The following TTC28 variants were observed in gnomAD, a reference collection of about 807,000 sequenced individuals.
TTC28 encodes the protein tetratricopeptide repeat protein 28.
A neutral mutation model predicts 198.0 loss-of-function variants in TTC28; 61 were observed. The ratio of observed to expected loss-of-function variants is 0.31; its 90% confidence interval spans 0.25 to 0.38. The LOEUF (loss-of-function observed/expected upper bound fraction) is 0.38, where lower values mean the gene tolerates loss of function less well. TTC28 is among the 10% of genes least tolerant of loss of function. The probability of loss-of-function intolerance (pLI) is 1.00; values close to 1 mark genes in which losing one functional copy is unlikely to be tolerated. For missense variants in TTC28, 2,678 were observed against 3,164.0 expected, an observed-to-expected ratio of 0.85 and a Z score of 3.69; for synonymous variants, 1,171 against 1,297.8, an observed-to-expected ratio of 0.90 and a Z score of 2.10.
chr22:28,521,637 G>A (rs1325787792), intron 2 of TTC28, among the ~76,000 whole-genome samples: 1 of 152,130 alleles, frequency 6.6e-6, no homozygotes, highest in Non-Finnish European at 1.5e-5. Context: ...CATAAAACAA[G>A]CAGAGCTTTG....
chr22:28,580,482 C>A (rs1359334348), intron 2 of TTC28, among the ~76,000 whole-genome samples: 1 of 152,210 alleles, frequency 6.6e-6, no homozygotes. Flanking sequence ...AGGTGATCCA[C>A]CTGCCTTGGC....
At chr22:28,284,206 T>C (rs1257847614) in intron 5 of TTC28, among the ~76,000 whole-genome samples, 2 of 152,172 alleles carry the variant, frequency 1.3e-5, no homozygotes, top group African/African-American at 2.4e-5. Context: ...AGCACAAGCA[T>C]GTTGAATGGA....
intron 2 of TTC28, among the ~76,000 whole-genome samples, chr22:28,593,955 A>G (rs1228745694): frequency 2.0e-5 from 3 of 152,072 alleles, no homozygotes; most frequent in African/African-American, 7.2e-5. Context: ...TCAGCTATAG[A>G]GCTATGGTCA....
At chr22:28,292,431 G>A (rs2044806121) in intron 5 of TTC28, among the ~76,000 whole-genome samples, 1 of 152,016 alleles carries the variant, frequency 6.6e-6, no homozygotes, top group Admixed American at 6.6e-5. Flanking sequence ...CCAGTAATCT[G>A]CCCACCTCGG....
chr22:28,028,697 C>T (rs966001370), intron 13 of TTC28: 4 of 251,234 alleles, frequency 1.6e-5, no homozygotes, highest in African/African-American at 9.1e-5. Flanking sequence ...TCATCCCTTC[C>T]AAAGTTTCTC....
At chr22:28,023,286 A>G (rs1019550156) in intron 13 of TTC28, among the ~76,000 whole-genome samples, 3 of 152,224 alleles carry the variant, frequency 2.0e-5, no homozygotes, top group Non-Finnish European at 4.4e-5. Flanking sequence ...TGCTGTGGCC[A>G]TCTCCTCTTT....
intron 2 of TTC28, among the ~76,000 whole-genome samples, chr22:28,356,143 G>A (rs2046074305): frequency 1.3e-5 from 2 of 152,088 alleles, no homozygotes; most frequent in Non-Finnish European, 2.9e-5. Context: ...AACATGTTCT[G>A]TTCTTTCTAA....
At chr22:28,095,417 C>T (rs1460392492) in intron 11 of TTC28, among the ~76,000 whole-genome samples, 1 of 151,146 alleles carries the variant, frequency 6.6e-6, no homozygotes, top group Non-Finnish European at 1.5e-5. Context: ...TCAAGAAAAT[C>T]TTGTCAATTC....
chr22:28,364,869 C>T (rs191031555), intron 2 of TTC28, among the ~76,000 whole-genome samples: 3 of 152,316 alleles, frequency 2.0e-5, no homozygotes, highest in African/African-American at 4.8e-5. Flanking sequence ...GGTAAAGATG[C>T]TGTGAACACT....
At chr22:28,539,246 G>C (rs575144474) in intron 2 of TTC28, among the ~76,000 whole-genome samples, 9 of 152,106 alleles carry the variant, frequency 5.9e-5, no homozygotes, top group Non-Finnish European at 7.4e-5. Flanking sequence ...CTGACAGGCT[G>C]GGGGGTAGAT....
intron 6 of TTC28, among the ~76,000 whole-genome samples, chr22:28,132,471 T>G (rs1569155369): frequency 6.6e-6 from 1 of 152,210 alleles, no homozygotes; most frequent in South Asian, 2.1e-4. Flanking sequence ...TGTTGTGTGA[T>G]CTCATGTTAG....
intron 6 of TTC28, among the ~76,000 whole-genome samples, chr22:28,138,163 C>T (rs1014868237): frequency 4.7e-4 from 71 of 152,116 alleles, no homozygotes; most frequent in African/African-American, 1.6e-3. Flanking sequence ...CACTTTCTAA[C>T]AAGTTTAATT....
intron 5 of TTC28, among the ~76,000 whole-genome samples, chr22:28,182,162 G>T (rs936517830): frequency 3.3e-5 from 5 of 152,136 alleles, no homozygotes; most frequent in African/African-American, 9.7e-5. Flanking sequence ...GGGGGAAGTG[G>T]AGGGTGTGTA....
In TTC28 at chr22:27,983,146, A is replaced by AGAT. The variant is rs1485268393; in HGVS notation, c.6518_6520dup (p.His2173dup). On this transcript the variant is annotated inframe_insertion, in exon 23 of 23. Transcript: ENST00000397906. ...CCTCTGAAGACGCTCCACCGCAATG[A>AGAT]GATGACTCTGTGTCTCCTCCAGAAT... The AGAT allele has an allele frequency of 1.3e-6, 2 of 1,551,812 alleles. No individual in the cohort carries two copies. The highest frequency in any genetic ancestry group is 1.7e-6 in the Non-Finnish European group (2 of 1,147,026).
intron 2 of TTC28, among the ~76,000 whole-genome samples, chr22:28,607,146 C>T (rs2050748876): frequency 6.6e-6 from 1 of 152,098 alleles, no homozygotes; most frequent in Non-Finnish European, 1.5e-5. Context: ...ATACCTGCAT[C>T]GTCCTGTCAC....
At chr22:28,378,641 T>A (rs888835547) in intron 2 of TTC28, among the ~76,000 whole-genome samples, 2 of 151,308 alleles carry the variant, frequency 1.3e-5, no homozygotes, top group African/African-American at 4.9e-5. Flanking sequence ...CAAGATTCTG[T>A]GTCAAAAAAA....
chr22:28,147,878 G>C (rs1601384854), intron 6 of TTC28, among the ~76,000 whole-genome samples: 2 of 152,166 alleles, frequency 1.3e-5, no homozygotes, highest in East Asian at 3.8e-4. Context: ...ATTCTCAATG[G>C]AAGCTGTTAT....
intron 2 of TTC28, among the ~76,000 whole-genome samples, chr22:28,398,160 C>A (rs1282573423): frequency 1.3e-5 from 2 of 152,186 alleles, no homozygotes; most frequent in Non-Finnish European, 2.9e-5. Context: ...CAAAGAGGAT[C>A]TGGTTAAGTG....
intron 5 of TTC28, among the ~76,000 whole-genome samples, chr22:28,250,902 C>T (rs769584700): frequency 7.2e-5 from 11 of 152,200 alleles, no homozygotes; most frequent in Non-Finnish European, 1.2e-4. Flanking sequence ...GAATTCATCT[C>T]ACAACCTGAT....
Sources: gnomAD v4.1 joint callset for allele counts (sites outside exome capture counted in the v4.1 genomes callset) on GRCh38, gnomAD v4.1.1 for gene constraint, MANE v1.5 for transcripts, NCBI Gene and HGNC (gene_info 2026-07-23, HGNC 2026-07-21) for gene names.